The following MCPH1 variants were observed in gnomAD, a reference collection of about 807,000 sequenced individuals.
The protein encoded by MCPH1 is microcephalin.
Under a neutral mutation model 84.5 loss-of-function variants are expected in MCPH1, and 104 were observed. The ratio of observed to expected loss-of-function variants is 1.23; its 90% CI spans 1.05 to 1.45. The LOEUF is 1.45. Ranked by LOEUF, MCPH1 falls within the 40% of genes most tolerant of loss-of-function variation. The pLI is 0.00. For missense variants in MCPH1, 1,498 were observed against 1,005.7 expected, an observed-to-expected ratio of 1.49 and a Z score of -6.62; for synonymous variants, 514 against 366.8, an observed-to-expected ratio of 1.40 and a Z score of -4.58.
intron 13 of MCPH1, among the ~76,000 whole-genome samples, chr8:6,642,394 G>A (rs1797992447): frequency 6.6e-6 from 1 of 152,044 alleles, no homozygotes; most frequent in African/African-American, 2.4e-5. Context: ...CGCTATCCTG[G>A]GCCAGGCGCA....
intron 2 of MCPH1, among the ~76,000 whole-genome samples, chr8:6,413,869 C>T (rs1346065269): frequency 2.0e-5 from 3 of 152,014 alleles, no homozygotes; most frequent in Non-Finnish European, 4.4e-5. Flanking sequence ...ATTCTCCTGC[C>T]TCAGCCTCCC....
chr8:6,503,494 C>T (rs796897688), intron 12 of MCPH1, among the ~76,000 whole-genome samples: 10 of 152,318 alleles, frequency 6.6e-5, no homozygotes, highest in African/African-American at 2.4e-4. Flanking sequence ...TCCACCTTTT[C>T]CCTTGTGCTG....
At chr8:6,529,822 C>T (rs1413194222) in intron 12 of MCPH1, among the ~76,000 whole-genome samples, 1 of 151,396 alleles carries the variant, frequency 6.6e-6, no homozygotes, top group East Asian at 1.9e-4. Context: ...GCTTACTTTC[C>T]ATCTGTTTTC....
intron 8 of MCPH1, among the ~76,000 whole-genome samples, chr8:6,449,311 C>G (rs1216496144): frequency 6.6e-6 from 1 of 152,100 alleles, no homozygotes. Flanking sequence ...GTGGAAGCTC[C>G]TCAATTGTGC....
intron 12 of MCPH1, chr8:6,513,644 A>C (rs1199249450): frequency 6.3e-7 from 1 of 1,582,218 alleles, no homozygotes; most frequent in East Asian, 2.3e-5. Context: ...CAAATCTTTT[A>C]ATTTTTTCTT....
At chr8:6,561,963 G>A (rs887590249) in intron 12 of MCPH1, among the ~76,000 whole-genome samples, 5 of 152,120 alleles carry the variant, frequency 3.3e-5, no homozygotes, top group Non-Finnish European at 7.4e-5. Flanking sequence ...ACGTGGGGAC[G>A]CATTCCGCAC....
intron 12 of MCPH1, among the ~76,000 whole-genome samples, chr8:6,605,161 C>T (rs1829660564): frequency 1.3e-5 from 2 of 152,114 alleles, no homozygotes; most frequent in Non-Finnish European, 2.9e-5. Context: ...ACACCCAGCC[C>T]CGCTCTTGTT....
At chr8:6,521,132 G>A in intron 12 of MCPH1, 1 of 1,531,956 alleles carries the variant, frequency 6.5e-7, no homozygotes, top group Non-Finnish European at 9.0e-7. Flanking sequence ...GTGTTTTACT[G>A]ACTAAAGGTT....
chr8:6,507,194 A>T (rs1161050346), intron 12 of MCPH1, among the ~76,000 whole-genome samples: 1 of 152,196 alleles, frequency 6.6e-6, no homozygotes, highest in Non-Finnish European at 1.5e-5. Flanking sequence ...CACCATGCCC[A>T]GCCCTATTAA....
chr8:6,600,989 G>T (rs954006087), intron 12 of MCPH1, among the ~76,000 whole-genome samples: 2 of 152,296 alleles, frequency 1.3e-5, no homozygotes, highest in South Asian at 4.1e-4. Flanking sequence ...GGCCATTACG[G>T]GGTCACCAAG....
intron 12 of MCPH1, among the ~76,000 whole-genome samples, chr8:6,564,349 C>A (rs1306168345): frequency 6.6e-6 from 1 of 152,132 alleles, no homozygotes; most frequent in Non-Finnish European, 1.5e-5. Flanking sequence ...TTACATTAGT[C>A]CCCCTTGGTA....
chr8:6,614,034 T>C (rs2980663), intron 12 of MCPH1, among the ~76,000 whole-genome samples: 142,762 of 152,202 alleles, frequency 0.94, 67,290 homozygotes, highest in Middle Eastern at 1. Context: ...TACTTCTCCC[T>C]GGTGCCAAAG....
chr8:6,502,430 A>G (rs923357014), intron 12 of MCPH1: 7 of 152,234 alleles, frequency 4.6e-5, no homozygotes, highest in Non-Finnish European at 1.0e-4. Flanking sequence ...GGAAGTTTCT[A>G]CCATATAAAT....
intron 9 of MCPH1, among the ~76,000 whole-genome samples, chr8:6,459,729 T>C (rs997385435): frequency 6.6e-5 from 10 of 152,214 alleles, no homozygotes; most frequent in Non-Finnish European, 1.2e-4. Flanking sequence ...GACTTTATTT[T>C]CTTTTTAGTT....
intron 11 of MCPH1, among the ~76,000 whole-genome samples, chr8:6,483,369 C>G (rs1342231049): frequency 1.3e-5 from 2 of 152,106 alleles, no homozygotes; most frequent in Non-Finnish European, 2.9e-5. Flanking sequence ...ATAGCCAAAA[C>G]AATTTAGAAA....
intron 2 of MCPH1, among the ~76,000 whole-genome samples, chr8:6,411,504 A>T (rs548051365): frequency 6.6e-6 from 1 of 152,328 alleles, no homozygotes; most frequent in Non-Finnish European, 1.5e-5. Context: ...TTAAGTGAAA[A>T]GGTGAAAGTT....
intron 3 of MCPH1, among the ~76,000 whole-genome samples, chr8:6,422,110 C>T (rs1800293035): frequency 6.6e-6 from 1 of 152,164 alleles, no homozygotes; most frequent in Admixed American, 6.5e-5. Context: ...CATTTGACTG[C>T]TTTATCTGTC....
chr8:6,514,476 A>G (rs908509168), intron 12 of MCPH1, among the ~76,000 whole-genome samples: 4 of 152,238 alleles, frequency 2.6e-5, no homozygotes, highest in Non-Finnish European at 5.9e-5. Context: ...GGCGTGAGCC[A>G]GCACGTCTGG....
At chr8:6,420,147 C>T (rs1799956586) in intron 3 of MCPH1, among the ~76,000 whole-genome samples, 1 of 151,676 alleles carries the variant, frequency 6.6e-6, no homozygotes, top group Non-Finnish European at 1.5e-5. Context: ...TTTTCACTGC[C>T]ATTGGTTCAA....
Sources: gnomAD v4.1 joint callset for allele counts (sites outside exome capture counted in the v4.1 genomes callset) on GRCh38, gnomAD v4.1.1 for gene constraint, MANE v1.5 for transcripts, NCBI Gene and HGNC (gene_info 2026-07-23, HGNC 2026-07-21) for gene names.